SV2B: variants seen among roughly 807,000 people sequenced by gnomAD.
The protein encoded by SV2B is synaptic vesicle glycoprotein 2B.
SV2B carries 41 observed loss-of-function variants against 73.9 expected under a neutral mutation model. The observed-to-expected ratio is 0.56, with a 90% CI of 0.43 to 0.72. The LOEUF is 0.72. Among genes scored for constraint, SV2B ranks in the 30% least tolerant of loss-of-function variants. The pLI is 0.00. For synonymous variants in SV2B, 314 were observed against 314.2 expected, an observed-to-expected ratio of 1.00 and a Z score of 0.01; for missense variants, 764 against 857.8, an observed-to-expected ratio of 0.89 and a Z score of 1.37.
rs1239022527 is a variant in SV2B at position 91,232,465 on chromosome 15, A to G, written c.451+5751A>G. Among the ~76,000 whole-genome samples the G allele has an allele frequency of 6.6e-6, 1 of 152,122 alleles. No homozygotes were observed. Among genetic ancestry groups the G allele is most frequent in the Admixed American group, 6.6e-5 (1 of 15,260 alleles). On this transcript the variant is annotated intron_variant, in intron 2 of 12. Coordinates refer to ENST00000394232, the MANE Select transcript of SV2B (RefSeq NM_001323032.3). The surrounding 1 kb of genome is among the most constrained non-coding windows in gnomAD (Gnocchi z 4.7). ...TCCACCGGCAATGGAGAGCTGTTTA[A>G]TGGGGAGCTATGAAATATGCCTTTG...
intron 1 of SV2B, among the ~76,000 whole-genome samples, chr15:91,190,967 T>A (rs375268624): frequency 8.9e-4 from 135 of 152,062 alleles, no homozygotes; most frequent in African/African-American, 2.9e-3. Flanking sequence ...TTTGTCTACC[T>A]TTATTTATCA....
intron 1 of SV2B, among the ~76,000 whole-genome samples, chr15:91,203,205 T>C (rs568839974): frequency 6.6e-6 from 1 of 152,322 alleles, no homozygotes; most frequent in South Asian, 2.1e-4. Context: ...CAAGCCTTTC[T>C]CCTTGAGGAC....
intron 12 of SV2B, 81 bp from the exon 13 acceptor site, chr15:91,292,288 C>A: frequency 7.1e-7 from 1 of 1,399,304 alleles, no homozygotes; most frequent in Non-Finnish European, 9.7e-7. Context: ...CTTCCCCCTG[C>A]AATAAGGAAA....
intron 4 of SV2B, among the ~76,000 whole-genome samples, chr15:91,257,395 A>T (rs1333884330): frequency 1.3e-5 from 2 of 152,208 alleles, no homozygotes; most frequent in African/African-American, 4.8e-5. Flanking sequence ...GGCTCTTTCC[A>T]CTTTATTACT....
At position 91,115,623 on chromosome 15, in the gene SV2B, C is replaced by A. The variant is rs188477177; in HGVS notation, c.-392+15260C>A. 3.9e-5 allele frequency among the ~76,000 whole-genome samples: 6 copies of A among 151,964 alleles called. No homozygotes were observed. The highest frequency in any genetic ancestry group is 7.4e-5 in the Non-Finnish European group (5 of 67,998). ...AACTCCTGAACTCAAGCGATCCACC[C>A]GCCTCGACCTCTCAAAGTGCTGGGA... On this transcript the variant is annotated intron_variant, in intron 1 of 12. Coordinates refer to ENST00000394232, the MANE Select transcript of SV2B (RefSeq NM_001323032.3). This position sits in a 1 kb window ranked among gnomAD's most constrained non-coding sequence, Gnocchi z 4.3.
chr15:91,150,629 A>G (rs1415891078), intron 1 of SV2B, among the ~76,000 whole-genome samples: 7 of 152,222 alleles, frequency 4.6e-5, no homozygotes, highest in African/African-American at 9.6e-5. Context: ...CCAGCTGTCC[A>G]TATTTCTGCC....
Position 91,134,550 on chromosome 15 carries a change from C to T in SV2B, c.-392+34187C>T, listed in dbSNP as rs565246484. Among the ~76,000 whole-genome samples the T allele has an allele frequency of 3.3e-5, 5 of 152,236 alleles. No individual in the cohort carries two copies. The East Asian group carries it at 7.7e-4, about 23-fold the overall frequency. Reference sequence around the variant, plus strand: ...TTACAAATGACTCCAGGACACCCGGCGTGATCAGGCACTGTCTGGAGCAAC... The same window carrying T: ...TTACAAATGACTCCAGGACACCCGGTGTGATCAGGCACTGTCTGGAGCAAC... On this transcript the variant is annotated intron_variant, in intron 1 of 12. Transcript: ENST00000394232.
chr15:91,104,347 G>C (rs563905281), intron 1 of SV2B, among the ~76,000 whole-genome samples: 17 of 152,306 alleles, frequency 1.1e-4, no homozygotes, highest in Middle Eastern at 3.4e-3. Flanking sequence ...CCTCTGGCAG[G>C]CTAGCCTGGC....
At chr15:91,230,891 T>C (rs1338167671) in intron 2 of SV2B, among the ~76,000 whole-genome samples, 2 of 152,064 alleles carry the variant, frequency 1.3e-5, no homozygotes, top group Non-Finnish European at 2.9e-5. Context: ...TTTATTCAGA[T>C]AGGAAGGAAA....
intron 1 of SV2B, among the ~76,000 whole-genome samples, chr15:91,153,844 C>T (rs2043397134): frequency 6.6e-6 from 1 of 152,052 alleles, no homozygotes; most frequent in Non-Finnish European, 1.5e-5. Context: ...AGTAACACAA[C>T]ATCTGCCAAG....
intron 2 of SV2B, among the ~76,000 whole-genome samples, chr15:91,228,019 T>A (rs2046439829): frequency 6.6e-6 from 1 of 152,150 alleles, no homozygotes; most frequent in African/African-American, 2.4e-5. Context: ...TACAAAAAAA[T>A]GGTCAGTGGG....
chr15:91,193,408 TA>T (rs200905783), intron 1 of SV2B, among the ~76,000 whole-genome samples: 26 of 151,172 alleles, frequency 1.7e-4, no homozygotes, highest in Non-Finnish European at 2.4e-4. Flanking sequence ...GTTGGATATT[TA>T]AAAAAAAACA....
At chr15:91,104,451 T>C (rs927290871) in intron 1 of SV2B, among the ~76,000 whole-genome samples, 8 of 152,206 alleles carry the variant, frequency 5.3e-5, no homozygotes, top group African/African-American at 2.4e-5. Context: ...CGTCACTTTA[T>C]CTTTGTCTAA....
chr15:91,129,688 G>C lies in SV2B; in HGVS notation c.-392+29325G>C, dbSNP rs147008366. Among the ~76,000 whole-genome samples, 1 of 152,186 alleles carries C rather than the reference G, an allele frequency of 6.6e-6. No individual in the cohort carries two copies. The highest frequency in any genetic ancestry group is 2.4e-5 in the African/African-American group (1 of 41,438). On this transcript the variant is annotated intron_variant, in intron 1 of 12. Coordinates refer to ENST00000394232, the MANE Select transcript of SV2B (RefSeq NM_001323032.3). The surrounding 1 kb of genome is among the most constrained non-coding windows in gnomAD (Gnocchi z 5.1). ...AGCCAGCGGAGGCTTCTTTGGAGGCGATCTGTTTGATGTGATACGGTCTGT... is the reference window on the plus strand; with the variant it reads ...AGCCAGCGGAGGCTTCTTTGGAGGCCATCTGTTTGATGTGATACGGTCTGT...
intron 1 of SV2B, among the ~76,000 whole-genome samples, chr15:91,155,500 A>T (rs2043456930): frequency 6.6e-6 from 1 of 152,124 alleles, no homozygotes; most frequent in African/African-American, 2.4e-5. Context: ...CCTTGTATAG[A>T]TTTTGCTTCC....
At chr15:91,154,373 G>A (rs16945267) in intron 1 of SV2B, among the ~76,000 whole-genome samples, 1,796 of 152,178 alleles carry the variant, frequency 0.012, 42 homozygotes, top group African/African-American at 0.041. Flanking sequence ...TGGCCAGGAA[G>A]GCTTAGGGTC....
Position 91,128,414 on chromosome 15 carries a change from C to T in SV2B, c.-392+28051C>T, listed in dbSNP as rs1040095911. On this transcript the variant is annotated intron_variant, in intron 1 of 12. Transcript: ENST00000394232. This position sits in a 1 kb window ranked among gnomAD's most constrained non-coding sequence, Gnocchi z 4.2. ...ACTTACCCAGGGTCTGATTCCACCC[C>T]GCAAACCCTCACCTGGCTGAATATG... 5.9e-5 allele frequency among the ~76,000 whole-genome samples: 9 copies of T among 152,136 alleles called. No homozygotes were observed. The highest frequency in any genetic ancestry group is 1.0e-4 in the Non-Finnish European group (7 of 68,022).
intron 1 of SV2B, among the ~76,000 whole-genome samples, chr15:91,157,961 G>A (rs941466159): frequency 1.3e-5 from 2 of 152,192 alleles, no homozygotes; most frequent in African/African-American, 4.8e-5. Context: ...AGGAATGCAG[G>A]TGGGGAGCAC....
rs1371379879 is a variant in SV2B at position 91,241,725 on chromosome 15, A to T, written c.452-10094A>T. 6.6e-6 allele frequency among the ~76,000 whole-genome samples: 1 copy of T among 151,882 alleles called. No homozygotes were observed. Among genetic ancestry groups the T allele is most frequent in the Non-Finnish European group, 1.5e-5 (1 of 67,958 alleles). On this transcript the variant is annotated intron_variant, in intron 2 of 12. Transcript: ENST00000394232. This position sits in a 1 kb window ranked among gnomAD's most constrained non-coding sequence, Gnocchi z 4.8. ...GTGTGAGGCTCACTGGTCTCCCTGT[A>T]TCCCATCCCCTCTCACCTCCCCAGA...
Sources: allele counts gnomAD v4.1 joint callset (sites outside exome capture counted in the v4.1 genomes callset), GRCh38; gene constraint gnomAD v4.1.1; non-coding constraint Gnocchi (gnomAD v3.1); transcripts MANE v1.5; gene names NCBI Gene and HGNC (gene_info 2026-07-23, HGNC 2026-07-21).